RNF115: variants seen among roughly 807,000 people sequenced by gnomAD.
RNF115 encodes E3 ubiquitin-protein ligase RNF115.
RNF115 carries 31 observed loss-of-function variants against 39.2 expected under a neutral mutation model. That is an observed-to-expected ratio of 0.79 (90% confidence interval 0.59 to 1.07). The LOEUF (loss-of-function observed/expected upper bound fraction) is 1.07. Ranked by LOEUF, RNF115 falls within the 50% of genes least tolerant of loss-of-function variation. RNF115 has a pLI of 0.00. For synonymous variants in RNF115, 124 were observed against 131.0 expected, an observed-to-expected ratio of 0.95 and a Z score of 0.37; for missense variants, 384 against 381.7, an observed-to-expected ratio of 1.01 and a Z score of -0.05.
intron 4 of RNF115, among the ~76,000 whole-genome samples, chr1:145,764,956 G>A (rs587711345): frequency 1.8e-4 from 28 of 152,364 alleles, no homozygotes; most frequent in South Asian, 4.1e-4. Context: ...CCATGATGAC[G>A]ATGGCGGTTT....
chr1:145,778,730 CTAGAATTT>C (rs1447530012), intron 3 of RNF115, among the ~76,000 whole-genome samples: 1 of 152,112 alleles, frequency 6.6e-6, no homozygotes, highest in Non-Finnish European at 1.5e-5. Context: ...TTTGCATTTT[CTAGAATTT>C]TATGTAAAGG....
chr1:145,791,280 G>A (rs1648653896), intron 1 of RNF115, among the ~76,000 whole-genome samples: 1 of 151,690 alleles, frequency 6.6e-6, no homozygotes, highest in Admixed American at 6.6e-5. Flanking sequence ...TCGGAGGCCA[G>A]GCAGGCAGAT....
intron 2 of RNF115, among the ~76,000 whole-genome samples, chr1:145,787,748 G>A (rs1648457490): frequency 6.6e-6 from 1 of 151,778 alleles, no homozygotes; most frequent in Non-Finnish European, 1.5e-5. Flanking sequence ...AATTAGCAGG[G>A]CATAGTGTCA....
chr1:145,820,245 G>A (rs1650175278), intron 1 of RNF115, among the ~76,000 whole-genome samples: 1 of 150,390 alleles, frequency 6.6e-6, no homozygotes, highest in Admixed American at 6.7e-5. Context: ...CAGGCAGATT[G>A]CTTAAGCCCA....
chr1:145,789,957 G>A (rs1001996096), intron 1 of RNF115, among the ~76,000 whole-genome samples: 7 of 149,818 alleles, frequency 4.7e-5, no homozygotes, highest in South Asian at 2.1e-4. Context: ...CTCGGCCTCC[G>A]AAAGTGCTGG....
At chr1:145,796,428 CTTT>C (rs35440164) in intron 1 of RNF115, among the ~76,000 whole-genome samples, 1 of 146,672 alleles carries the variant, frequency 6.8e-6, no homozygotes, top group Non-Finnish European at 1.5e-5. Flanking sequence ...CCCATCTTAA[CTTT>C]TTTTTTTTTT....
rs1474454538 is a variant in RNF115, at chr1:145,742,986, T to C, written c.*3880A>G. 2.0e-5 allele frequency: 3 copies of C among 152,062 alleles called. No individual in the cohort carries two copies. Among genetic ancestry groups the C allele is most frequent in the Admixed American group, 6.6e-5 (1 of 15,264 alleles). 9.4% of individuals were successfully genotyped at this position (152,062 alleles called of 1,614,324 possible). On this transcript the variant is annotated 3_prime_UTR_variant, in exon 9 of 9. Coordinates refer to ENST00000582693, the MANE Select transcript of RNF115 (RefSeq NM_014455.4). ...TTTGAAAACAGCCTGACCAACATGG[T>C]GAACCACTTCTCATAGAGACACATT...
rs201982863 is a variant in RNF115 at position 145,752,968 on chromosome 1, A to G, written c.500+10T>C. ...CAATAGAGTAAGATAGAAAACAATT[A>G]GTTACTTACCAGGAAAAAGGGTGTG... On this transcript the variant is annotated intron_variant, in intron 5 of 8. Transcript: ENST00000582693. 2.5e-5 allele frequency: 39 copies of G among 1,560,524 alleles called. No individual in the cohort carries two copies. The highest frequency in any genetic ancestry group is 3.3e-5 in the Non-Finnish European group (37 of 1,131,822).
At chr1:145,781,255 A>G (rs587728240) in intron 3 of RNF115, among the ~76,000 whole-genome samples, 1 of 152,330 alleles carries the variant, frequency 6.6e-6, no homozygotes, top group Non-Finnish European at 1.5e-5. Flanking sequence ...AGTAAATGTT[A>G]CTTATAGAAA....
Position 145,785,731 on chromosome 1 carries a change from C to CTTT in RNF115, c.162-1136_162-1135insAAA, listed in dbSNP as rs1648347842. On this transcript the variant is annotated intron_variant, in intron 2 of 8. Coordinates refer to ENST00000582693, the MANE Select transcript of RNF115 (RefSeq NM_014455.4). ...AGCTCACTGAGGAAACAAACACACCCTAGTTAGTCTGAAACCAAAAGTGAA... is the reference window on the plus strand; with the variant it reads ...AGCTCACTGAGGAAACAAACACACCCTTTTAGTTAGTCTGAAACCAAAAGTGAA... 1.3e-5 allele frequency among the ~76,000 whole-genome samples: 2 copies of CTTT among 152,180 alleles called. 1 individual carries two copies. The highest frequency in any genetic ancestry group is 1.3e-4 in the Admixed American group (2 of 15,284).
At position 145,750,444 on chromosome 1, in the gene RNF115, TGTG is replaced by T; in HGVS notation, c.627_629del (p.Thr210del). 6.2e-7 allele frequency: 1 copy of T among 1,614,014 alleles called. No individual in the cohort carries two copies. The highest frequency in any genetic ancestry group is 1.3e-5 in the African/African-American group (1 of 75,020). ...GAGTTACTGTCACTGTTGGAAGAGA[TGTG>T]ATCTTTTCCTTGTCAGCTGGGGGAG... On this transcript the variant is annotated inframe_deletion, in exon 7 of 9. Coordinates refer to ENST00000582693, the MANE Select transcript of RNF115 (RefSeq NM_014455.4).
intron 4 of RNF115, among the ~76,000 whole-genome samples, chr1:145,756,757 C>G (rs1380190668): frequency 6.6e-6 from 1 of 150,674 alleles, no homozygotes; most frequent in Non-Finnish European, 1.5e-5. Flanking sequence ...TAGATGTATG[C>G]CCCCCACAAC....
At chr1:145,787,980 T>G (rs1553718368) in intron 2 of RNF115, among the ~76,000 whole-genome samples, 1 of 152,210 alleles carries the variant, frequency 6.6e-6, no homozygotes, top group Non-Finnish European at 1.5e-5. Context: ...ATATTTCCCC[T>G]TTTTATCAGC....
intron 4 of RNF115, among the ~76,000 whole-genome samples, chr1:145,757,009 T>C (rs1553713265): frequency 6.6e-6 from 1 of 152,006 alleles, no homozygotes; most frequent in Admixed American, 6.6e-5. Flanking sequence ...CTAATTTTTG[T>C]ATTTTTAGTA....
chr1:145,798,803 G>A (rs1187553664), intron 1 of RNF115, among the ~76,000 whole-genome samples: 1 of 152,114 alleles, frequency 6.6e-6, no homozygotes, highest in African/African-American at 2.4e-5. Context: ...AACACAGGAT[G>A]TCTTTCTATT....
chr1:145,772,795 T>C (rs1553715950), intron 3 of RNF115: 4 of 152,178 alleles, frequency 2.6e-5, no homozygotes, highest in African/African-American at 9.7e-5. Context: ...GTTTTGGCAA[T>C]TACTTCTTAA....
intron 3 of RNF115, among the ~76,000 whole-genome samples, chr1:145,781,899 C>T (rs1208722676): frequency 2.7e-5 from 4 of 148,052 alleles, no homozygotes; most frequent in Admixed American, 1.3e-4. Context: ...GTACACTTTT[C>T]CTTTTTTTTT....
At chr1:145,774,252 G>T (rs1403570673) in intron 3 of RNF115, among the ~76,000 whole-genome samples, 2 of 150,370 alleles carry the variant, frequency 1.3e-5, no homozygotes, top group Admixed American at 1.3e-4. Context: ...TAAACATCTT[G>T]TCATGTAATA....
chr1:145,808,798 T>C (rs1467808706), intron 1 of RNF115, among the ~76,000 whole-genome samples: 1 of 152,182 alleles, frequency 6.6e-6, no homozygotes, highest in Non-Finnish European at 1.5e-5. Context: ...GCAGTGACCA[T>C]ATTAAGAGAT....
Sources: allele counts gnomAD v4.1 joint callset (sites outside exome capture counted in the v4.1 genomes callset), GRCh38; gene constraint gnomAD v4.1.1; transcripts MANE v1.5; gene names NCBI Gene and HGNC (gene_info 2026-07-23, HGNC 2026-07-21).